The following SLC8A2 variants were observed in gnomAD, a reference collection of about 807,000 sequenced individuals.
SLC8A2 encodes the protein sodium/calcium exchanger 2.
SLC8A2 carries 14 observed loss-of-function variants against 70.2 expected under a neutral mutation model. That is an observed-to-expected ratio of 0.20 (90% confidence interval 0.13 to 0.31). The LOEUF (loss-of-function observed/expected upper bound fraction) is 0.31, where lower values mean the gene tolerates loss of function less well. SLC8A2 is among the 10% of genes least tolerant of loss of function. The pLI, the probability that SLC8A2 is intolerant of heterozygous loss-of-function variation, is 1.00. For missense variants in SLC8A2, 779 were observed against 1,320.1 expected (o/e 0.59, Z 6.35); for synonymous variants, 575 against 594.3 (o/e 0.97, Z 0.47).
chr19:47,470,843 G>A (rs536178107), intron 1 of SLC8A2, among the ~76,000 whole-genome samples: 5 of 152,198 alleles, frequency 3.3e-5, no homozygotes, highest in Admixed American at 6.5e-5. Context: ...AGGTGGGCTC[G>A]GTCCTCAGGG....
chr19:47,461,481 C>T (rs1017638187), intron 2 of SLC8A2, among the ~76,000 whole-genome samples: 5 of 152,200 alleles, frequency 3.3e-5, no homozygotes, highest in Non-Finnish European at 7.3e-5. Context: ...TGAACTCCAG[C>T]CTGGGGGACA....
intron 2 of SLC8A2, among the ~76,000 whole-genome samples, chr19:47,463,408 C>T (rs1009219850): frequency 6.7e-6 from 1 of 148,294 alleles, no homozygotes; most frequent in Non-Finnish European, 1.5e-5. Context: ...GCTGGGATTA[C>T]AGGCGTGAGC....
intron 2 of SLC8A2, among the ~76,000 whole-genome samples, chr19:47,460,967 A>G (rs1189313479): frequency 6.6e-6 from 1 of 152,046 alleles, no homozygotes; most frequent in Non-Finnish European, 1.5e-5. Context: ...TAATCCCAGC[A>G]CTTTGGGAGG....
Position 47,466,279 on chromosome 19 carries a change from C to G in SLC8A2, c.125G>C (p.Gly42Ala), listed in dbSNP as rs1296173209. 1 of 1,554,136 alleles carries G rather than the reference C, an allele frequency of 6.4e-7. No individual in the cohort carries two copies. The highest frequency in any genetic ancestry group is 1.4e-5 in the African/African-American group (1 of 73,916). Residue 42 changes from glycine to alanine, a missense_variant, in exon 2 of 10, where the codon GGC becomes GCC. This residue lies in a region of SLC8A2 where 65 missense variants were observed against 61.3 expected (regional missense o/e 1.06). Transcript: ENST00000236877. This position sits in a 1 kb window ranked among gnomAD's most constrained non-coding sequence, Gnocchi z 6.9. ...CTGGCAGCGGTAGGACCCCTGGCAGCCCCCTGTGCTGGTGTCGCTGTCATT... is the reference window on the plus strand; with the variant it reads ...CTGGCAGCGGTAGGACCCCTGGCAGGCCCCTGTGCTGGTGTCGCTGTCATT... ...PANDSDTSTG[G>A]CQGSYRCQPG...
At chr19:47,461,814 G>A (rs1967398785) in intron 2 of SLC8A2, among the ~76,000 whole-genome samples, 1 of 152,096 alleles carries the variant, frequency 6.6e-6, no homozygotes, top group Non-Finnish European at 1.5e-5. Context: ...CTCCCTGCAG[G>A]TCAATAAAAA....
chr19:47,435,549 C>CT, intron 8 of SLC8A2, among the ~76,000 whole-genome samples: 1 of 120,332 alleles, frequency 8.3e-6, no homozygotes, highest in African/African-American at 4.7e-5. Flanking sequence ...TTCTTTTCTT[C>CT]GTTTTTTTTT....
Position 47,441,428 on chromosome 19 carries a change from C to G in SLC8A2, c.1776G>C (p.Gln592His). ...ATTCCTCGTCATCAACTATCTTCACCTGAAGAGTTTTCCTGTGCAGGGGGT... is the reference window on the plus strand; with the variant it reads ...ATTCCTCGTCATCAACTATCTTCACGTGAAGAGTTTTCCTGTGCAGGGGGT... ...FGDDETMKTL[Q>H]VKIVDDEEYE... Residue 592 changes from glutamine to histidine, a missense_variant, in exon 5 of 10, where the codon CAG becomes CAC. Transcript: ENST00000236877. 1.2e-6 allele frequency: 2 copies of G among 1,610,784 alleles called. No homozygotes were observed. Among genetic ancestry groups the G allele is most frequent in the Non-Finnish European group, 1.7e-6 (2 of 1,177,390 alleles).
intron 3 of SLC8A2, among the ~76,000 whole-genome samples, chr19:47,451,538 G>A (rs1384785830): frequency 1.3e-5 from 2 of 151,696 alleles, no homozygotes; most frequent in Non-Finnish European, 2.9e-5. Flanking sequence ...TGAACTCCTG[G>A]GCTCAAGCAA....
At position 47,447,586 on chromosome 19, in the gene SLC8A2, T is replaced by G; in HGVS notation, c.1763+223A>C. 1 of 516,042 alleles carries G rather than the reference T, an allele frequency of 1.9e-6. No individual in the cohort carries two copies. The highest frequency in any genetic ancestry group is 3.4e-6 in the Non-Finnish European group (1 of 297,424). 32.0% of individuals were successfully genotyped at this position (516,042 alleles called of 1,614,324 possible). A position where few individuals can be genotyped will look rare whatever the true frequency, so the allele number is the denominator to read the frequency against. The stretch of plus-strand genomic sequence containing the variant: ...CGATTCACTCAGGCCCCTCTCCTCC[T>G]GAGGGCCCAGCTGTTCAGTGAAGCC... On this transcript the variant is annotated intron_variant, in intron 4 of 9. Transcript: ENST00000236877. This position sits in a 1 kb window ranked among gnomAD's most constrained non-coding sequence, Gnocchi z 5.1.
At chr19:47,458,190 C>G (rs1418693158) in intron 2 of SLC8A2, among the ~76,000 whole-genome samples, 1 of 148,030 alleles carries the variant, frequency 6.8e-6, no homozygotes, top group Non-Finnish European at 1.5e-5. Context: ...CTCCCCACTC[C>G]CCGTCTCTCC....
chr19:47,438,987 C>T (rs1019670019), intron 6 of SLC8A2, among the ~76,000 whole-genome samples: 1 of 152,170 alleles, frequency 6.6e-6, no homozygotes, highest in Non-Finnish European at 1.5e-5. Context: ...CATTTCCCAG[C>T]CTCCCTTGCA....
chr19:47,432,714 C>G lies in SLC8A2; in HGVS notation c.2111-269G>C. ...AATATGGCTAAGTCAGCAGTAAAAACAGTTACTTCCATAGAATCCCTTGGA... is the reference window on the plus strand; with the variant it reads ...AATATGGCTAAGTCAGCAGTAAAAAGAGTTACTTCCATAGAATCCCTTGGA... On this transcript the variant is annotated intron_variant, in intron 8 of 9. Coordinates refer to ENST00000236877, the MANE Select transcript of SLC8A2 (RefSeq NM_015063.3). This position sits in a 1 kb window ranked among gnomAD's most constrained non-coding sequence, Gnocchi z 6.2. 3 of 414,138 alleles carry G rather than the reference C, an allele frequency of 7.2e-6. No individual in the cohort carries two copies. The highest frequency in any genetic ancestry group is 1.3e-5 in the Non-Finnish European group (3 of 234,610). 25.7% of individuals were successfully genotyped at this position (414,138 alleles called of 1,614,324 possible).
chr19:47,458,529 C>A (rs1447132655), intron 2 of SLC8A2, among the ~76,000 whole-genome samples: 1 of 143,100 alleles, frequency 7.0e-6, no homozygotes, highest in Non-Finnish European at 1.5e-5. Context: ...TTTCTCTCTC[C>A]TTTCCGTCCC....
At chr19:47,431,484 A>C (rs1051706292) in intron 9 of SLC8A2, among the ~76,000 whole-genome samples, 2 of 151,852 alleles carry the variant, frequency 1.3e-5, no homozygotes, top group Non-Finnish European at 1.5e-5. Context: ...CCCCGTCTCT[A>C]CTAAAAACGT....
rs1230070127 is a variant in SLC8A2, at chr19:47,430,230, G to A, written c.2625C>T (p.Tyr875=). The A allele has an allele frequency of 6.2e-7, 1 of 1,610,628 alleles. No homozygotes were observed. Among genetic ancestry groups the A allele is most frequent in the Admixed American group, 1.7e-5 (1 of 59,666 alleles). The part of the protein sequence containing the change: ...FAFVGIAVLL[Y]RRRPHIGGEL... ...CGCCGCCGATGTGCGGCCGGCGCCGGTACAGCAGCACGGCAATGCCCACGA... is the reference window on the plus strand; with the variant it reads ...CGCCGCCGATGTGCGGCCGGCGCCGATACAGCAGCACGGCAATGCCCACGA... Residue 875 remains tyrosine (Y), a synonymous_variant, in exon 10 of 10, where the codon TAC becomes TAT. Transcript: ENST00000236877. This position sits in a 1 kb window ranked among gnomAD's most constrained non-coding sequence, Gnocchi z 5.9.
chr19:47,468,726 G>A lies in SLC8A2; in HGVS notation c.-16-2307C>T, dbSNP rs1400821930. Among the ~76,000 whole-genome samples, 4 of 152,110 alleles carry A rather than the reference G, an allele frequency of 2.6e-5. No individual in the cohort carries two copies. Among genetic ancestry groups the A allele is most frequent in the African/African-American group, 9.7e-5 (4 of 41,436 alleles). ...CACCCCTCCATTCCACAGGTGAGAG[G>A]ACCAAGGCGCAGAGAGGTTACGGAA... On this transcript the variant is annotated intron_variant, in intron 1 of 9. Transcript: ENST00000236877. The surrounding 1 kb of genome is among the most constrained non-coding windows in gnomAD (Gnocchi z 5.1).
chr19:47,436,911 C>A (rs763702117), intron 8 of SLC8A2, among the ~76,000 whole-genome samples: 9 of 152,102 alleles, frequency 5.9e-5, no homozygotes, highest in Non-Finnish European at 1.2e-4. Context: ...AACGGAGGAA[C>A]CCAGGCTCTC....
intron 2 of SLC8A2, among the ~76,000 whole-genome samples, chr19:47,460,238 C>A (rs560705950): frequency 2.0e-5 from 3 of 152,218 alleles, no homozygotes; most frequent in Non-Finnish European, 2.9e-5. Context: ...AGTTCCCATG[C>A]ACAGCCAGGG....
rs773349604 is a variant in SLC8A2, at chr19:47,437,542, A to G, written c.2030T>C (p.Ile677Thr). The part of the protein sequence containing the change: ...YDFKNTVDKL[I>T]KKTNLALVIG... ...TACCAAGGCCAAGTTCGTTTTCTTGATGAGTTTATCCACCGTGTTCTGGGG... is the reference window on the plus strand; with the variant it reads ...TACCAAGGCCAAGTTCGTTTTCTTGGTGAGTTTATCCACCGTGTTCTGGGG... Residue 677 changes from isoleucine to threonine, a missense_variant, in exon 8 of 10, where the codon ATC becomes ACC. Coordinates refer to ENST00000236877, the MANE Select transcript of SLC8A2 (RefSeq NM_015063.3). 4.3e-6 allele frequency: 7 copies of G among 1,613,388 alleles called. No individual in the cohort carries two copies. Among genetic ancestry groups the G allele is most frequent in the African/African-American group, 2.7e-5 (2 of 74,782 alleles).
Sources: gnomAD v4.1 joint callset for allele counts (sites outside exome capture counted in the v4.1 genomes callset) on GRCh38, gnomAD v4.1.1 for gene constraint, gnomAD v4.1.1 regional missense constraint, Gnocchi (gnomAD v3.1) non-coding constraint, MANE v1.5 for transcripts, NCBI Gene and HGNC (gene_info 2026-07-23, HGNC 2026-07-21) for gene names.